Variants in PIK3C3 observed in about 807,000 individuals in gnomAD.
PIK3C3 encodes PI3-kinase type 3.
PIK3C3 carries 95 observed loss-of-function variants against 126.1 expected under a neutral mutation model. The observed-to-expected ratio is 0.75, with a 90% CI of 0.64 to 0.89. The LOEUF is 0.89. Ranked by LOEUF, PIK3C3 falls within the 40% of genes least tolerant of loss-of-function variation. PIK3C3 has a pLI of 0.00. For synonymous variants in PIK3C3, 374 were observed against 360.0 expected (o/e 1.04, Z -0.44); for missense variants, 829 against 1,063.2 (o/e 0.78, Z 3.06).
intron 20 of PIK3C3, among the ~76,000 whole-genome samples, chr18:42,048,323 C>T (rs1403119496): frequency 1.3e-5 from 2 of 152,188 alleles, no homozygotes; most frequent in African/African-American, 4.8e-5. Context: ...CAACTACAGT[C>T]ATCATGTCGC....
chr18:41,987,914 C>T lies in PIK3C3; in HGVS notation c.618+16C>T. 3 of 1,376,964 alleles carry T rather than the reference C, an allele frequency of 2.2e-6. No homozygotes were observed. The highest frequency in any genetic ancestry group is 4.1e-4 in the Middle Eastern group (2 of 4,896). 85.3% of individuals were successfully genotyped at this position (1,376,964 alleles called of 1,614,324 possible). On this transcript the variant is annotated intron_variant, in intron 5 of 24. Coordinates refer to ENST00000262039, the MANE Select transcript of PIK3C3 (RefSeq NM_002647.4). Reference sequence around the variant, plus strand: ...GATAAATGAGGTGGGTTATATCACTCTTTTATTTTAAAATATTTTCTGTAA... The same window carrying T: ...GATAAATGAGGTGGGTTATATCACTTTTTTATTTTAAAATATTTTCTGTAA...
chr18:42,057,506 AG>A (rs1422502054), intron 21 of PIK3C3: 28 of 165,620 alleles, frequency 1.7e-4, no homozygotes, highest in Admixed American at 2.6e-4. Flanking sequence ...TACTATATGA[AG>A]GGCACTGTGC....
intron 2 of PIK3C3, among the ~76,000 whole-genome samples, chr18:41,959,790 T>C (rs1373324181): frequency 6.6e-6 from 1 of 151,848 alleles, no homozygotes; most frequent in African/African-American, 2.4e-5. Context: ...CGAGACTCCA[T>C]CTCAAAAAAA....
chr18:41,961,854 TAACA>T (rs1010462399), intron 2 of PIK3C3, among the ~76,000 whole-genome samples: 18 of 152,312 alleles, frequency 1.2e-4, no homozygotes, highest in African/African-American at 4.3e-4. Context: ...ATATTATTAT[TAACA>T]AACATTCCTC....
intron 6 of PIK3C3, among the ~76,000 whole-genome samples, chr18:41,991,757 G>A (rs1158863929): frequency 1.3e-5 from 2 of 152,106 alleles, no homozygotes. Flanking sequence ...GTTAGTGAAA[G>A]ACTAGGAAGT....
Position 42,081,211 on chromosome 18 carries a change from A to G in PIK3C3, c.*74A>G. The G allele has an allele frequency of 1.1e-6, 1 of 896,622 alleles. No homozygotes were observed. 55.5% of individuals were successfully genotyped at this position (896,622 alleles called of 1,614,324 possible). A position where few individuals can be genotyped will look rare whatever the true frequency, so the allele number is the denominator to read the frequency against. ...TAGGAGCAACCTTTGTATATTGGAG[A>G]CTTCAGAGTAACCAGCAAGGAAGAG... On this transcript the variant is annotated 3_prime_UTR_variant, in exon 25 of 25. Transcript: ENST00000262039.
chr18:41,987,911 A>G lies in PIK3C3; in HGVS notation c.618+13A>G. 1 of 1,400,522 alleles carries G rather than the reference A, an allele frequency of 7.1e-7. No individual in the cohort carries two copies. The highest frequency in any genetic ancestry group is 9.8e-7 in the Non-Finnish European group (1 of 1,016,526). 86.8% of individuals were successfully genotyped at this position (1,400,522 alleles called of 1,614,324 possible). A position where few individuals can be genotyped will look rare whatever the true frequency, so the allele number is the denominator to read the frequency against. ...AATGATAAATGAGGTGGGTTATATC[A>G]CTCTTTTATTTTAAAATATTTTCTG... On this transcript the variant is annotated intron_variant, in intron 5 of 24. Coordinates refer to ENST00000262039, the MANE Select transcript of PIK3C3 (RefSeq NM_002647.4).
chr18:41,964,408 C>A (rs573973726), intron 3 of PIK3C3, among the ~76,000 whole-genome samples: 3 of 151,998 alleles, frequency 2.0e-5, no homozygotes, highest in Non-Finnish European at 2.9e-5. Flanking sequence ...ATTATTTAAT[C>A]TTATGCCTCA....
chr18:41,960,218 T>C (rs1980009452), intron 2 of PIK3C3, among the ~76,000 whole-genome samples: 1 of 152,250 alleles, frequency 6.6e-6, no homozygotes, highest in African/African-American at 2.4e-5. Context: ...AGAGATCCCA[T>C]GAGGGACACT....
chr18:42,017,038 G>A (rs1196001851), intron 12 of PIK3C3, among the ~76,000 whole-genome samples: 1 of 152,014 alleles, frequency 6.6e-6, no homozygotes, highest in Non-Finnish European at 1.5e-5. Flanking sequence ...CAATGATTAA[G>A]CCATTTAACT....
At chr18:42,042,121 G>T (rs899893737) in intron 19 of PIK3C3, among the ~76,000 whole-genome samples, 1 of 152,160 alleles carries the variant, frequency 6.6e-6, no homozygotes, top group Non-Finnish European at 1.5e-5. Flanking sequence ...CTGGAATTTT[G>T]TACTTGCTTG....
chr18:42,011,957 G>A (rs1195477312), intron 10 of PIK3C3, among the ~76,000 whole-genome samples: 1 of 152,120 alleles, frequency 6.6e-6, no homozygotes, highest in East Asian at 1.9e-4. Context: ...AATTGATTAA[G>A]TGTGCCATCC....
chr18:42,006,797 A>G (rs1238855033), intron 10 of PIK3C3, among the ~76,000 whole-genome samples: 1 of 151,182 alleles, frequency 6.6e-6, no homozygotes, highest in Non-Finnish European at 1.5e-5. Context: ...CTTTTCCTGT[A>G]ACTGTATTTT....
chr18:42,065,563 C>T (rs566614595), intron 23 of PIK3C3, among the ~76,000 whole-genome samples: 62 of 152,336 alleles, frequency 4.1e-4, no homozygotes, highest in African/African-American at 1.4e-3. Flanking sequence ...ACTTCCACAG[C>T]TTCACTGCCT....
chr18:42,018,746 A>T (rs1255487802), intron 12 of PIK3C3, among the ~76,000 whole-genome samples: 1 of 152,098 alleles, frequency 6.6e-6, no homozygotes, highest in Non-Finnish European at 1.5e-5. Flanking sequence ...CATAGCTTTT[A>T]TCCCATGGCT....
chr18:41,963,892 T>G (rs1980225401), intron 3 of PIK3C3, among the ~76,000 whole-genome samples: 1 of 151,786 alleles, frequency 6.6e-6, no homozygotes, highest in South Asian at 2.1e-4. Context: ...ATGAATGGAA[T>G]TAGCCCTTTG....
rs1376000130 is a variant in PIK3C3 at position 42,087,363 on chromosome 18, T to G, written c.*6226T>G. On this transcript the variant is annotated 3_prime_UTR_variant, in exon 25 of 25. Transcript: ENST00000262039. ...TGCATCATGTATGACGTTTGCAAGG[T>G]GCATGTGGAAGGCTGGTCGCCCCAC... 6.6e-6 allele frequency: 1 copy of G among 152,184 alleles called. No homozygotes were observed. The highest frequency in any genetic ancestry group is 1.5e-5 in the Non-Finnish European group (1 of 68,040). The allele number at this position is 152,184 out of a possible 1,614,324, so 9.4% of individuals were successfully genotyped here.
In PIK3C3 at chr18:42,011,153, T is replaced by C. The variant is rs507835; in HGVS notation, c.1171-2289T>C. 3.5e-3 allele frequency among the ~76,000 whole-genome samples: 528 copies of C among 152,310 alleles called. 3 individuals are homozygous for C. Among genetic ancestry groups the C allele is most frequent in the African/African-American group, 0.012 (479 of 41,564 alleles). On this transcript the variant is annotated intron_variant, in intron 10 of 24. Coordinates refer to ENST00000262039, the MANE Select transcript of PIK3C3 (RefSeq NM_002647.4). ...CACAGGCAATGTAGATGTAGCGTAA[T>C]TCTTAAGGGCCCTAGGACTTCTGAA...
rs1409125577 is a variant in PIK3C3 at position 42,082,241 on chromosome 18, T to C, written c.*1104T>C. 2.6e-5 allele frequency: 4 copies of C among 152,168 alleles called. No homozygotes were observed. The highest frequency in any genetic ancestry group is 4.8e-5 in the African/African-American group (2 of 41,442). 9.4% of individuals were successfully genotyped at this position (152,168 alleles called of 1,614,324 possible). A position where few individuals can be genotyped will look rare whatever the true frequency, so the allele number is the denominator to read the frequency against. On this transcript the variant is annotated 3_prime_UTR_variant, in exon 25 of 25. Coordinates refer to ENST00000262039, the MANE Select transcript of PIK3C3 (RefSeq NM_002647.4). ...GAATTGTTTTGGTGCTGAATAAATATTAGAAATCAAGTGACAGAGAAGATG... is the reference window on the plus strand; with the variant it reads ...GAATTGTTTTGGTGCTGAATAAATACTAGAAATCAAGTGACAGAGAAGATG...
Sources: gnomAD v4.1 joint callset for allele counts (sites outside exome capture counted in the v4.1 genomes callset) on GRCh38, gnomAD v4.1.1 for gene constraint, MANE v1.5 for transcripts, NCBI Gene and HGNC (gene_info 2026-07-23, HGNC 2026-07-21) for gene names.